MKLN1: variants seen among roughly 807,000 people sequenced by gnomAD.
The protein encoded by MKLN1 is muskelin 1.
In MKLN1, 18 loss-of-function variants were observed where a neutral mutation model predicts 99.0. That is an observed-to-expected ratio of 0.18 (90% confidence interval 0.13 to 0.27). MKLN1 has a LOEUF of 0.27. MKLN1 is among the 10% of genes least tolerant of loss of function. The pLI, the probability that MKLN1 is intolerant of heterozygous loss-of-function variation, is 1.00. For missense variants in MKLN1, 621 were observed against 875.9 expected (o/e 0.71, Z 3.67); for synonymous variants, 288 against 293.2 (o/e 0.98, Z 0.18).
chr7:131,428,284 A>C (rs1795419097), intron 8 of MKLN1, among the ~76,000 whole-genome samples: 1 of 152,226 alleles, frequency 6.6e-6, no homozygotes, highest in Non-Finnish European at 1.5e-5. Flanking sequence ...AAAGTCTGTG[A>C]ATATAATAGA....
chr7:131,190,483 G>A (rs998476829), intron 2 of MKLN1, among the ~76,000 whole-genome samples: 8 of 151,576 alleles, frequency 5.3e-5, no homozygotes, highest in Non-Finnish European at 5.9e-5. Flanking sequence ...AATCTAAAGA[G>A]CCCAGTAGCT....
At chr7:131,430,401 G>A (rs1157518360) in intron 9 of MKLN1, among the ~76,000 whole-genome samples, 1 of 151,756 alleles carries the variant, frequency 6.6e-6, no homozygotes, top group Non-Finnish European at 1.5e-5. Context: ...TTTCAGTATT[G>A]AAGTACTGTT....
intron 17 of MKLN1, among the ~76,000 whole-genome samples, chr7:131,484,101 C>T (rs1219818196): frequency 2.6e-5 from 4 of 151,940 alleles, no homozygotes; most frequent in African/African-American, 7.3e-5. Flanking sequence ...TACACTAGAT[C>T]AGTTGTATTC....
chr7:131,314,935 A>G (rs974211965), intron 3 of MKLN1, among the ~76,000 whole-genome samples: 1 of 151,814 alleles, frequency 6.6e-6, no homozygotes, highest in African/African-American at 2.4e-5. Context: ...CCATGCCAAG[A>G]TAAGTTTTGC....
At chr7:131,297,142 T>G (rs553941441) in intron 3 of MKLN1, among the ~76,000 whole-genome samples, 1 of 152,076 alleles carries the variant, frequency 6.6e-6, no homozygotes, top group South Asian at 2.1e-4. Flanking sequence ...CACGAGGAGA[T>G]TGAGAACAGG....
intron 1 of MKLN1, among the ~76,000 whole-genome samples, chr7:131,111,403 A>G (rs1291787958): frequency 6.6e-6 from 1 of 152,144 alleles, no homozygotes; most frequent in Non-Finnish European, 1.5e-5. Flanking sequence ...TGATTTCTGT[A>G]TTTGCGTCAC....
intron 3 of MKLN1, among the ~76,000 whole-genome samples, chr7:131,266,625 C>A (rs1053146365): frequency 2.0e-5 from 3 of 152,060 alleles, no homozygotes; most frequent in Non-Finnish European, 4.4e-5. Flanking sequence ...AGTCTAAGGG[C>A]TCTGACTAGG....
chr7:131,187,656 C>T (rs1030656507), intron 2 of MKLN1, among the ~76,000 whole-genome samples: 5 of 152,110 alleles, frequency 3.3e-5, no homozygotes, highest in Non-Finnish European at 7.4e-5. Context: ...AGGCCAGGTG[C>T]GGTGACTCAT....
rs141538746 is a variant in MKLN1, at chr7:131,116,538, G to A, written c.-419+6331G>A. On this transcript the variant is annotated intron_variant, in intron 1 of 7. Coordinates refer to the MKLN1 transcript ENST00000416992. ...ACACATTCTACATATGCACTCCCTT[G>A]TAATGGAGTTAGCCCTTGATGATTA... Among the ~76,000 whole-genome samples, 1,430 of 152,158 alleles carry A rather than the reference G, an allele frequency of 9.4e-3. 15 individuals carry two copies. The highest frequency in any genetic ancestry group is 0.015 in the Non-Finnish European group (1,022 of 68,008).
intron 1 of MKLN1, among the ~76,000 whole-genome samples, chr7:131,135,545 T>C (rs1006705271): frequency 1.3e-5 from 2 of 152,176 alleles, no homozygotes; most frequent in African/African-American, 4.8e-5. Context: ...ATTCAGACAT[T>C]GGGAAGGGCC....
intron 3 of MKLN1, among the ~76,000 whole-genome samples, chr7:131,293,378 T>G (rs1798249501): frequency 6.6e-6 from 1 of 152,252 alleles, no homozygotes; most frequent in African/African-American, 2.4e-5. Context: ...TAGTTTGTTA[T>G]GCAGTAATAG....
At chr7:131,412,710 A>G (rs1002010252) in intron 7 of MKLN1, among the ~76,000 whole-genome samples, 13 of 152,222 alleles carry the variant, frequency 8.5e-5, no homozygotes. Flanking sequence ...CTGCTTTGCC[A>G]GATAATTAAC....
At chr7:131,446,697 A>C (rs1226480402) in intron 12 of MKLN1, among the ~76,000 whole-genome samples, 3 of 152,250 alleles carry the variant, frequency 2.0e-5, no homozygotes. Context: ...CCTTTAAAAC[A>C]AAAACAACAA....
At chr7:131,464,587 C>G (rs1435065781) in intron 14 of MKLN1, among the ~76,000 whole-genome samples, 179 bp downstream of exon 14, 11 of 152,194 alleles carry the variant, frequency 7.2e-5, no homozygotes, top group African/African-American at 2.7e-4. Flanking sequence ...AGAGAATAAG[C>G]ATTTTTACGT....
chr7:131,265,138 C>T (rs1395307708), intron 3 of MKLN1, among the ~76,000 whole-genome samples: 2 of 152,028 alleles, frequency 1.3e-5, no homozygotes. Flanking sequence ...CCGCGCCTGT[C>T]CTGTTCTGTA....
chr7:131,451,307 A>G (rs1030714038), intron 12 of MKLN1, among the ~76,000 whole-genome samples: 3 of 152,106 alleles, frequency 2.0e-5, no homozygotes, highest in Non-Finnish European at 2.9e-5. Flanking sequence ...TGGACTTAAC[A>G]TATAATTACT....
intron 6 of MKLN1, among the ~76,000 whole-genome samples, chr7:131,404,397 T>C (rs908344183): frequency 6.6e-6 from 1 of 152,082 alleles, no homozygotes; most frequent in South Asian, 2.1e-4. Context: ...ATCAGTTAAC[T>C]TTAGCCTTGA....
chr7:131,352,788 AC>A (rs771069511), intron 1 of MKLN1, among the ~76,000 whole-genome samples: 17 of 152,296 alleles, frequency 1.1e-4, no homozygotes, highest in Non-Finnish European at 2.1e-4. Context: ...CCAACTTGAT[AC>A]ACAGGTTCAT....
At chr7:131,153,712 G>C (rs541996905) in intron 2 of MKLN1, among the ~76,000 whole-genome samples, 98 of 136,804 alleles carry the variant, frequency 7.2e-4, no homozygotes, top group African/African-American at 2.5e-3. Context: ...GCTGAGGCTA[G>C]AGTGCAGTGG....
Sources: gnomAD v4.1 joint callset for allele counts (sites outside exome capture counted in the v4.1 genomes callset) on GRCh38, gnomAD v4.1.1 for gene constraint, MANE v1.5 for transcripts, NCBI Gene and HGNC (gene_info 2026-07-23, HGNC 2026-07-21) for gene names.